Variants in DNMT1 observed in about 807,000 individuals in gnomAD.
DNMT1 encodes the protein DNA (cytosine-5)-methyltransferase 1.
A neutral mutation model predicts 205.3 loss-of-function variants in DNMT1; 24 were observed. The observed-to-expected ratio is 0.12, with a 90% confidence interval of 0.08 to 0.16. The LOEUF (loss-of-function observed/expected upper bound fraction) is 0.16. DNMT1 is among the 10% of genes least tolerant of loss of function. The probability of loss-of-function intolerance (pLI) is 1.00; values close to 1 mark genes in which losing one functional copy is unlikely to be tolerated. For missense variants in DNMT1, 1,293 were observed against 2,177.7 expected (o/e 0.59, Z 8.09); for synonymous variants, 817 against 839.8 (o/e 0.97, Z 0.47).
chr19:10,148,229 G>T (rs6511610), intron 27 of DNMT1, among the ~76,000 whole-genome samples: 1 of 150,298 alleles, frequency 6.7e-6, no homozygotes, highest in Non-Finnish European at 1.5e-5. Flanking sequence ...AGGTGTGGTG[G>T]CTCACGCCTG....
At position 10,173,174 on chromosome 19, in the gene DNMT1, T is replaced by C; in HGVS notation, c.684A>G (p.Arg228=). The change falls in exon 9 of 41, where the codon CGA becomes CGG. Residue 228 remains arginine (R), a splice_region_variant and synonymous_variant. Coordinates refer to ENST00000359526, the MANE Select transcript of DNMT1 (RefSeq NM_001130823.3). Reference sequence around the variant, plus strand: ...CTTCTGCAGGAAGCGGTCTAGCAACTCTGTCAAGCAAAATAACACAGACCC... The same window carrying C: ...CTTCTGCAGGAAGCGGTCTAGCAACCCTGTCAAGCAAAATAACACAGACCC... ...EKRRRVTSRE[R]VARPLPAEEP... is the part of the protein sequence containing the mutation. 2 of 1,614,200 alleles carry C rather than the reference T, an allele frequency of 1.2e-6. No individual in the cohort carries two copies. The highest frequency in any genetic ancestry group is 1.7e-6 in the Non-Finnish European group (2 of 1,180,046).
intron 19 of DNMT1, 69 bp from the exon 20 acceptor site, chr19:10,155,125 TGGA>T (rs1286942962): frequency 1.2e-6 from 2 of 1,600,052 alleles, no homozygotes; most frequent in Admixed American, 1.7e-5. Flanking sequence ...CCACAGGGCA[TGGA>T]GGAGTCTACC....
rs2089421870 is a variant in DNMT1 at position 10,133,767 on chromosome 19, G to A, written c.4865-66C>T. On this transcript the variant is annotated intron_variant, in intron 40 of 40. Coordinates refer to ENST00000359526, the MANE Select transcript of DNMT1 (RefSeq NM_001130823.3). This position sits in a 1 kb window ranked among gnomAD's most constrained non-coding sequence, Gnocchi z 4.1. ...CCCGGTGTCACGCCACTTGACAGGC[G>A]AGTAACAGACATGGACCATCAGGAA... 13 of 1,507,260 alleles carry A rather than the reference G, an allele frequency of 8.6e-6. No homozygotes were observed. The highest frequency in any genetic ancestry group is 4.8e-5 in the South Asian group (4 of 83,422). 93.4% of individuals were successfully genotyped at this position (1,507,260 alleles called of 1,614,324 possible).
At position 10,133,831 on chromosome 19, in the gene DNMT1, G is replaced by A; in HGVS notation, c.4865-130C>T. 1 of 1,020,342 alleles carries A rather than the reference G, an allele frequency of 9.8e-7. No homozygotes were observed. Among genetic ancestry groups the A allele is most frequent in the South Asian group, 1.4e-5 (1 of 72,830 alleles). 63.2% of individuals were successfully genotyped at this position (1,020,342 alleles called of 1,614,324 possible). ...GATGTTAACAGCTGACCCAATAAGT[G>A]GCAGAGTGCTAAGGGAACGTTCACG... On this transcript the variant is annotated intron_variant, in intron 40 of 40. Transcript: ENST00000359526. The surrounding 1 kb of genome is among the most constrained non-coding windows in gnomAD (Gnocchi z 4.1).
rs1247900170 is a variant in DNMT1, at chr19:10,140,373, T to C, written c.3524-45A>G. 3.3e-6 allele frequency: 1 copy of C among 307,388 alleles called. No individual in the cohort carries two copies. Among genetic ancestry groups the C allele is most frequent in the African/African-American group, 3.6e-5 (1 of 27,922 alleles). The allele number at this position is 307,388 out of a possible 1,614,324, so 19.0% of individuals were successfully genotyped here. A position where few individuals can be genotyped will look rare whatever the true frequency, so the allele number is the denominator to read the frequency against. On this transcript the variant is annotated intron_variant, in intron 32 of 40. Transcript: ENST00000359526. The surrounding 1 kb of genome is among the most constrained non-coding windows in gnomAD (Gnocchi z 8.4). ...GCCATGCTTTCAACTCTCCAGAAGA[T>C]TTTTTTTTTTTTTTGAGATGGAGTC...
At chr19:10,183,863 G>A (rs2039127348) in intron 1 of DNMT1, among the ~76,000 whole-genome samples, 1 of 151,978 alleles carries the variant, frequency 6.6e-6, no homozygotes, top group African/African-American at 2.4e-5. Flanking sequence ...CAACAAGAGT[G>A]AAACTCTGTC....
intron 9 of DNMT1, among the ~76,000 whole-genome samples, chr19:10,171,258 T>C (rs1018472073): frequency 1.3e-5 from 2 of 152,190 alleles, no homozygotes; most frequent in East Asian, 3.8e-4. Context: ...TACAACTTTA[T>C]GTCTGGATGA....
chr19:10,138,623 G>T lies in DNMT1; in HGVS notation c.3949-18C>A. The T allele has an allele frequency of 6.3e-7, 1 of 1,598,126 alleles. No homozygotes were observed. The highest frequency in any genetic ancestry group is 8.5e-7 in the Non-Finnish European group (1 of 1,179,064). The stretch of plus-strand genomic sequence containing the variant: ...TGACCGGCCTGTGGGGGAGAAGGAC[G>T]GACAACCCCACCGTCAGTGGGACAC... On this transcript the variant is annotated intron_variant, in intron 34 of 40. Coordinates refer to ENST00000359526, the MANE Select transcript of DNMT1 (RefSeq NM_001130823.3). The surrounding 1 kb of genome is among the most constrained non-coding windows in gnomAD (Gnocchi z 4.1).
At position 10,133,976 on chromosome 19, in the gene DNMT1, A is replaced by C. The variant is rs2089426181; in HGVS notation, c.4864+241T>G. ...GAGCAGGAGTGAGGGAAACGGCCCC[A>C]GGGCCAGCCCAGCAGCCAACCTGAC... is the stretch of plus-strand genomic sequence containing the variant. On this transcript the variant is annotated intron_variant, in intron 40 of 40. Transcript: ENST00000359526. This position sits in a 1 kb window ranked among gnomAD's most constrained non-coding sequence, Gnocchi z 4.1. Among the ~76,000 whole-genome samples the C allele has an allele frequency of 1.3e-5, 2 of 152,352 alleles. No homozygotes were observed. The highest frequency in any genetic ancestry group is 1.3e-4 in the Admixed American group (2 of 15,300).
rs2038340753 is a variant in DNMT1, at chr19:10,151,482, C to T, written c.2181G>A (p.Glu727=). 6.2e-7 allele frequency: 1 copy of T among 1,613,994 alleles called. No homozygotes were observed. Among genetic ancestry groups the T allele is most frequent in the Non-Finnish European group, 8.5e-7 (1 of 1,180,034 alleles). Residue 727 remains glutamate, a synonymous_variant, in exon 24 of 41, where the codon GAG becomes GAA. Transcript: ENST00000359526. The surrounding 1 kb of genome is among the most constrained non-coding windows in gnomAD (Gnocchi z 5.0). ...GGTGCATTTTTTTGGGTGACGGCATCTCTGGGATGTTATCATCGACTTCCT... is the reference window on the plus strand; with the variant it reads ...GGTGCATTTTTTTGGGTGACGGCATTTCTGGGATGTTATCATCGACTTCCT... ...DDEEVDDNIP[E]MPSPKKMHQG... is the part of the protein sequence containing the mutation.
At chr19:10,145,824 C>CT (rs201569650) in intron 28 of DNMT1, among the ~76,000 whole-genome samples, 6,079 of 151,448 alleles carry the variant, frequency 0.04, 203 homozygotes, top group Middle Eastern at 0.093. Context: ...CCAGTAAGTT[C>CT]TTTTTTTTTC....
At chr19:10,141,862 C>T in intron 30 of DNMT1, 166 bp downstream of exon 30, 1 of 739,680 alleles carries the variant, frequency 1.4e-6, no homozygotes, top group Non-Finnish European at 2.2e-6. Context: ...GAACCCTGCT[C>T]AGACCCCCGT....
At chr19:10,144,408 A>G (rs916708886) in intron 28 of DNMT1, 3 of 218,958 alleles carry the variant, frequency 1.4e-5, no homozygotes, top group African/African-American at 6.9e-5. Context: ...ACTCCATCTC[A>G]CAGAAAAAAA....
At chr19:10,181,333 A>G (rs1427513260) in intron 2 of DNMT1, among the ~76,000 whole-genome samples, 3 of 150,852 alleles carry the variant, frequency 2.0e-5, no homozygotes, top group African/African-American at 7.3e-5. Context: ...GCCTGTAGTT[A>G]GAGCTACTCA....
At chr19:10,182,840 A>AT (rs1264258613) in intron 1 of DNMT1, among the ~76,000 whole-genome samples, 2 of 150,676 alleles carry the variant, frequency 1.3e-5, no homozygotes, top group Non-Finnish European at 3.0e-5. Context: ...AATTTTTTGT[A>AT]TTTTGAGTAG....
At chr19:10,143,709 G>C in intron 29 of DNMT1, 57 bp downstream of exon 29, 1 of 1,595,370 alleles carries the variant, frequency 6.3e-7, no homozygotes, top group Non-Finnish European at 8.6e-7. Context: ...CCTTGTTTCA[G>C]GCAGAGCCTT....
At position 10,149,485 on chromosome 19, in the gene DNMT1, A is replaced by C. The variant is rs2145293723; in HGVS notation, c.2554T>G (p.Tyr852Asp). ...GCCCAGTTTTCGGAGGGGGCTTTGTAGATGACTTTCACTTTGCTGTGGATA... is the reference window on the plus strand; with the variant it reads ...GCCCAGTTTTCGGAGGGGGCTTTGTCGATGACTTTCACTTTGCTGTGGATA... ...SYIHSKVKVI[Y>D]KAPSENWAME... The change falls in exon 26 of 41, where the codon TAC becomes GAC. Residue 852 changes from tyrosine to aspartate, a missense_variant. Around this residue, in one of 13 missense-constraint regions of DNMT1, gnomAD observed 197 missense variants for 353.6 expected, o/e 0.56. Coordinates refer to ENST00000359526, the MANE Select transcript of DNMT1 (RefSeq NM_001130823.3). 1 of 1,614,156 alleles carries C rather than the reference A, an allele frequency of 6.2e-7. No homozygotes were observed.
At chr19:10,187,475 C>T (rs1202614197) in intron 1 of DNMT1, among the ~76,000 whole-genome samples, 1 of 151,464 alleles carries the variant, frequency 6.6e-6, no homozygotes, top group Non-Finnish European at 1.5e-5. Context: ...GTAGCATGCA[C>T]CTATAGTCTT....
chr19:10,135,212 CAAAA>C (rs34374135), intron 39 of DNMT1, among the ~76,000 whole-genome samples: 1 of 108,490 alleles, frequency 9.2e-6, no homozygotes. Flanking sequence ...AGCTCCATCT[CAAAA>C]AAAAAAAAAA....
Sources: allele counts gnomAD v4.1 joint callset (sites outside exome capture counted in the v4.1 genomes callset), GRCh38; gene constraint gnomAD v4.1.1; regional missense constraint gnomAD v4.1.1; non-coding constraint Gnocchi (gnomAD v3.1); transcripts MANE v1.5; gene names NCBI Gene and HGNC (gene_info 2026-07-23, HGNC 2026-07-21).